Variants in CFAP47 observed in about 807,000 individuals in gnomAD.
CFAP47 encodes cilia and flagella associated protein 47, also known as cilia- and flagella-associated protein 47.
Under a neutral mutation model 148.1 loss-of-function variants are expected in CFAP47, and 29 were observed. The ratio of observed to expected loss-of-function variants is 0.20; its 90% CI spans 0.15 to 0.27. The LOEUF is 0.27. Ranked by LOEUF, CFAP47 falls within the 10% of genes least tolerant of loss-of-function variation. The pLI, the probability that CFAP47 is intolerant of heterozygous loss-of-function variation, is 1.00. For missense variants in CFAP47, 1,872 were observed against 1,697.5 expected (o/e 1.10, Z -1.81); for synonymous variants, 664 against 577.3 (o/e 1.15, Z -2.15).
At chrX:36,090,319 T>G (rs1300478037) in intron 30 of CFAP47, among the ~76,000 whole-genome samples, 1 of 111,941 alleles carries the variant, frequency 8.9e-6, no homozygotes, top group Non-Finnish European at 1.9e-5. Context: ...TAATAAATAT[T>G]AACTGTGAGC....
rs1294171265 is a variant in CFAP47 at position 36,000,308 on chromosome X, A to G, written c.3203A>G (p.Tyr1068Cys). 2 of 293,494 alleles carry G rather than the reference A, an allele frequency of 6.8e-6. No individual in the cohort carries two copies. Among genetic ancestry groups the G allele is most frequent in the African/African-American group, 2.8e-5 (1 of 36,077 alleles). The allele number at this position is 293,494 out of a possible 1,213,427, so 24.2% of individuals were successfully genotyped here. A position where few individuals can be genotyped will look rare whatever the true frequency, so the allele number is the denominator to read the frequency against. Reference sequence around the variant, plus strand: ...GATGTATTTAATTTCAGTGGCGCCTATATTGGTGGTACCCAGATTATTCCA... The same window carrying G: ...GATGTATTTAATTTCAGTGGCGCCTGTATTGGTGGTACCCAGATTATTCCA... ...NPDVFNFSGA[Y>C]IGGTQIIPFV... The change falls in exon 20 of 64, where the codon TAT becomes TGT. Residue 1068 changes from tyrosine (Y) to cysteine (C), a missense_variant. By Grantham distance (194) the Tyr-to-Cys change is radical (BLOSUM62 -2). Transcript: ENST00000378653.
At chrX:36,097,609 A>G (rs1179212139) in intron 30 of CFAP47, among the ~76,000 whole-genome samples, 1 of 111,190 alleles carries the variant, frequency 9.0e-6, no homozygotes, top group East Asian at 2.8e-4. Flanking sequence ...TAAAAAGTCT[A>G]CTGTCAGACA....
At chrX:35,989,520 T>C (rs781424784) in intron 16 of CFAP47, 71 bp downstream of exon 16, 2 of 1,208,156 alleles carry the variant, frequency 1.7e-6, no homozygotes, top group Non-Finnish European at 2.2e-6. Context: ...CTGGTGTATA[T>C]AGTTACCTAT....
At chrX:36,075,173 GTTTTAA>G in intron 29 of CFAP47, among the ~76,000 whole-genome samples, 1 of 108,994 alleles carries the variant, frequency 9.2e-6, no homozygotes, top group Non-Finnish European at 1.9e-5. Flanking sequence ...TTATTTTAAT[GTTTTAA>G]TTTTAATTTT....
At chrX:36,197,326 G>A (rs782069733) in intron 42 of CFAP47, among the ~76,000 whole-genome samples, 36 of 111,762 alleles carry the variant, frequency 3.2e-4, no homozygotes, top group Non-Finnish European at 6.0e-4. Context: ...CCATAGGTTG[G>A]TATTCATTTT....
intron 26 of CFAP47, among the ~76,000 whole-genome samples, chrX:36,060,262 G>C (rs2146748105): frequency 9.0e-6 from 1 of 111,351 alleles, no homozygotes; most frequent in Admixed American, 9.6e-5. Context: ...AAACATTTTA[G>C]AAGTGATAAA....
At chrX:36,045,779 C>T (rs766346995) in intron 25 of CFAP47, among the ~76,000 whole-genome samples, 2 of 111,689 alleles carry the variant, frequency 1.8e-5, no homozygotes, top group South Asian at 7.5e-4. Flanking sequence ...ATGAATTAAT[C>T]TCTTAATTTT....
intron 63 of CFAP47, among the ~76,000 whole-genome samples, chrX:36,381,241 A>G (rs1556024097): frequency 9.0e-6 from 1 of 111,588 alleles, no homozygotes; most frequent in East Asian, 2.8e-4. Context: ...CCTTCTGTAT[A>G]AAGGGTTACC....
rs755680798 is a variant in CFAP47 at position 36,132,530 on chromosome X, T to A, written c.5321-5428T>A. Among the ~76,000 whole-genome samples, 38 of 111,720 alleles carry A rather than the reference T, an allele frequency of 3.4e-4. No individual in the cohort carries two copies. In the South Asian group the frequency reaches 0.013, roughly 39 times the overall value. ...TTAGCTCACTTTGGGTAGCAAATCC[T>A]TAGAGGGAGTATAGAAGAGAGAGTA... is the stretch of plus-strand genomic sequence containing the variant. On this transcript the variant is annotated intron_variant, in intron 33 of 63. Coordinates refer to ENST00000378653, the MANE Select transcript of CFAP47 (RefSeq NM_001304548.2).
Position 36,093,528 on chromosome X carries a change from A to G in CFAP47, c.4917-5265A>G, listed in dbSNP as rs751916005. Among the ~76,000 whole-genome samples the G allele has an allele frequency of 3.8e-4, 42 of 111,413 alleles. No homozygotes were observed. In the South Asian group the frequency reaches 4.1e-3, roughly 11 times the overall value. On this transcript the variant is annotated intron_variant, in intron 30 of 63. Transcript: ENST00000378653. ...GATCAATGATGTTAAGTACATTTTC[A>G]TGTGGCCATTTGCCATTTGTATGTT... is the stretch of plus-strand genomic sequence containing the variant.
Position 36,072,908 on chromosome X carries a change from T to C in CFAP47, c.4466-231T>C, listed in dbSNP as rs188639141. ...CATTATGGCAAGAAGAAAATGTAAC[T>C]TTTATGTATTGAAATCCAGCTATTG... On this transcript the variant is annotated intron_variant, in intron 28 of 63. Coordinates refer to ENST00000378653, the MANE Select transcript of CFAP47 (RefSeq NM_001304548.2). 1.1e-3 allele frequency among the ~76,000 whole-genome samples: 121 copies of C among 111,977 alleles called. 1 individual carries two copies. Among genetic ancestry groups the C allele is most frequent in the Non-Finnish European group, 1.9e-3 (103 of 53,156 alleles).
At chrX:36,359,172 G>A (rs1382286511) in intron 60 of CFAP47, among the ~76,000 whole-genome samples, 1 of 111,701 alleles carries the variant, frequency 9.0e-6, no homozygotes, top group Non-Finnish European at 1.9e-5. Context: ...TTAGGTGTTG[G>A]CTGTGGAAAC....
intron 30 of CFAP47, 90 bp downstream of exon 30, chrX:36,085,628 C>T (rs1345697593): frequency 2.3e-6 from 1 of 430,145 alleles, no homozygotes; most frequent in African/African-American, 2.7e-5. Context: ...ATATTATTTT[C>T]CTTTCTAACC....
intron 51 of CFAP47, among the ~76,000 whole-genome samples, chrX:36,288,999 C>CTTTTTTTTTTTTT (rs34230885): frequency 1.2e-4 from 8 of 66,445 alleles, no homozygotes; most frequent in Non-Finnish European, 1.9e-4. Flanking sequence ...TTCTTTCATC[C>CTTTTTTTTTTTTT]TTTTTTTTTT....
chrX:35,951,472 C>T (rs1936165919), intron 5 of CFAP47, 113 bp downstream of exon 5: 3 of 568,825 alleles, frequency 5.3e-6, no homozygotes, highest in East Asian at 7.2e-5. Flanking sequence ...TTAACATGGG[C>T]AGATAGATTT....
intron 39 of CFAP47, among the ~76,000 whole-genome samples, chrX:36,174,443 T>C: frequency 9.0e-6 from 1 of 110,599 alleles, no homozygotes; most frequent in African/African-American, 3.3e-5. Flanking sequence ...TGGTACCGGT[T>C]GTTCCTTTCC....
intron 29 of CFAP47, among the ~76,000 whole-genome samples, chrX:36,073,861 GACTT>G (rs985247608): frequency 2.7e-5 from 3 of 111,903 alleles, no homozygotes; most frequent in Admixed American, 9.5e-5. Context: ...TATATCAAGT[GACTT>G]ACTTCTGTTG....
intron 30 of CFAP47, among the ~76,000 whole-genome samples, chrX:36,088,552 C>A (rs1056484196): frequency 9.0e-6 from 1 of 110,694 alleles, no homozygotes; most frequent in African/African-American, 3.3e-5. Flanking sequence ...AGAGAGAATG[C>A]TATGTGAGTA....
chrX:36,356,393 C>T (rs6632585), intron 60 of CFAP47, among the ~76,000 whole-genome samples: 9,664 of 110,519 alleles, frequency 0.087, 436 homozygotes, highest in East Asian at 0.26. Flanking sequence ...ATAGACCAGT[C>T]TCTTCTCAAA....
Sources: gnomAD v4.1 joint callset for allele counts (sites outside exome capture counted in the v4.1 genomes callset) on GRCh38, gnomAD v4.1.1 for gene constraint, MANE v1.5 for transcripts, NCBI Gene and HGNC (gene_info 2026-07-23, HGNC 2026-07-21) for gene names.